Variants in ZBTB20 observed in about 807,000 individuals in gnomAD.
The protein encoded by ZBTB20 is zinc finger and BTB domain containing 20.
ZBTB20 carries 9 observed loss-of-function variants against 56.9 expected under a neutral mutation model. That is an observed-to-expected ratio of 0.16 (90% confidence interval 0.10 to 0.28). ZBTB20 has a LOEUF of 0.28. ZBTB20 is among the 10% of genes least tolerant of loss of function. The pLI is 1.00. For missense variants in ZBTB20, 655 were observed against 1,003.0 expected (o/e 0.65, Z 4.69); for synonymous variants, 417 against 420.7 (o/e 0.99, Z 0.11).
intron 3 of ZBTB20, among the ~76,000 whole-genome samples, chr3:114,922,689 C>T (rs552666617): frequency 6.6e-6 from 1 of 152,300 alleles, no homozygotes; most frequent in African/African-American, 2.4e-5. Flanking sequence ...GCTCAGGCTG[C>T]TTCCACTCAT....
Position 114,414,691 on chromosome 3 carries a change from C to T in ZBTB20, c.-254-25586G>A, listed in dbSNP as rs149279466. ...GAAAAGTTATTTTTATATGAAACAA[C>T]GAATACATAAAATACTATATATTTA... On this transcript the variant is annotated intron_variant, in intron 7 of 11. Transcript: ENST00000675478. 3.5e-3 allele frequency among the ~76,000 whole-genome samples: 504 copies of T among 145,428 alleles called. 2 individuals are homozygous for T. The highest frequency in any genetic ancestry group is 0.012 in the African/African-American group (482 of 39,910).
chr3:114,407,598 G>A (rs2087461457), intron 7 of ZBTB20, among the ~76,000 whole-genome samples: 1 of 152,136 alleles, frequency 6.6e-6, no homozygotes, highest in South Asian at 2.1e-4. Flanking sequence ...AGTGATGGAG[G>A]CAAAAATATA....
intron 3 of ZBTB20, among the ~76,000 whole-genome samples, chr3:114,901,591 A>G (rs1202898785): frequency 1.3e-5 from 2 of 152,176 alleles, no homozygotes; most frequent in African/African-American, 4.8e-5. Flanking sequence ...TGTAAAAAAG[A>G]TAATTTTTAT....
chr3:115,107,512 C>T (rs1049467972), intron 1 of ZBTB20, among the ~76,000 whole-genome samples: 4 of 152,038 alleles, frequency 2.6e-5, no homozygotes, highest in South Asian at 2.1e-4. Context: ...CAGATGCTGG[C>T]GAGGCTGCAA....
chr3:114,808,413 C>T (rs566675268), intron 4 of ZBTB20, among the ~76,000 whole-genome samples: 1 of 151,780 alleles, frequency 6.6e-6, no homozygotes, highest in African/African-American at 2.4e-5. Context: ...CACCACCAAC[C>T]CCATAGAAAT....
chr3:114,650,319 A>G (rs1459761852), intron 6 of ZBTB20, among the ~76,000 whole-genome samples: 2 of 151,964 alleles, frequency 1.3e-5, no homozygotes, highest in Non-Finnish European at 2.9e-5. Flanking sequence ...AATAATCTTT[A>G]GAGATCAACA....
At chr3:114,583,160 T>G (rs1199928746) in intron 6 of ZBTB20, among the ~76,000 whole-genome samples, 1 of 152,222 alleles carries the variant, frequency 6.6e-6, no homozygotes, top group African/African-American at 2.4e-5. Flanking sequence ...AAGTCAACCA[T>G]ATGAAAAGCA....
At chr3:114,603,197 A>C (rs2056889767) in intron 6 of ZBTB20, among the ~76,000 whole-genome samples, 1 of 152,046 alleles carries the variant, frequency 6.6e-6, no homozygotes. Context: ...TGAATAACTT[A>C]AAGGGGTGAA....
intron 10 of ZBTB20, among the ~76,000 whole-genome samples, chr3:114,373,500 C>T (rs1334116754): frequency 1.3e-5 from 2 of 152,178 alleles, no homozygotes; most frequent in Admixed American, 6.5e-5. Context: ...GGTTTTGCTT[C>T]TTTCTATTCC....
chr3:114,753,191 G>A (rs1356931087), intron 5 of ZBTB20, among the ~76,000 whole-genome samples: 1 of 149,358 alleles, frequency 6.7e-6, no homozygotes, highest in Non-Finnish European at 1.5e-5. Context: ...AACACAGGAG[G>A]CAATTTCTAA....
chr3:114,371,837 C>A (rs1195212541), intron 10 of ZBTB20, among the ~76,000 whole-genome samples: 2 of 151,862 alleles, frequency 1.3e-5, no homozygotes, highest in African/African-American at 2.4e-5. Context: ...AACCTTTAAT[C>A]TTGCACTGCT....
intron 6 of ZBTB20, among the ~76,000 whole-genome samples, chr3:114,551,567 T>A (rs781438343): frequency 8.5e-5 from 13 of 152,260 alleles, no homozygotes; most frequent in Non-Finnish European, 1.8e-4. Flanking sequence ...ATATTTGATA[T>A]ATGGAAATGA....
At chr3:114,340,076 G>C (rs2079644330) in intron 11 of ZBTB20, among the ~76,000 whole-genome samples, 1 of 151,900 alleles carries the variant, frequency 6.6e-6, no homozygotes, top group South Asian at 2.1e-4. Flanking sequence ...AGGGTTAATT[G>C]CCTGTTCTCT....
intron 5 of ZBTB20, among the ~76,000 whole-genome samples, chr3:114,780,120 G>A (rs918860970): frequency 2.0e-5 from 3 of 152,142 alleles, no homozygotes; most frequent in Admixed American, 2.0e-4. Flanking sequence ...CATGATATGT[G>A]TCTTGGTAAT....
At chr3:114,711,557 T>A (rs887096664) in intron 5 of ZBTB20, among the ~76,000 whole-genome samples, 2 of 152,044 alleles carry the variant, frequency 1.3e-5, no homozygotes, top group Non-Finnish European at 2.9e-5. Flanking sequence ...TTGGGAGGAG[T>A]AAGTCAAATT....
Position 114,348,635 on chromosome 3 carries a change from T to C in ZBTB20, c.1804+1639A>G, listed in dbSNP as rs3773669. 3.1e-4 allele frequency among the ~76,000 whole-genome samples: 47 copies of C among 152,370 alleles called. No homozygotes were observed. In the East Asian group the frequency reaches 9.0e-3, roughly 29 times the overall value. On this transcript the variant is annotated intron_variant, in intron 11 of 11. Coordinates refer to ENST00000675478, the MANE Select transcript of ZBTB20 (RefSeq NM_001348800.3). ...AGTACATACATTAATTTACATAATGTCCTGACTTACATTACCCTGCAAAGA... is the reference window on the plus strand; with the variant it reads ...AGTACATACATTAATTTACATAATGCCCTGACTTACATTACCCTGCAAAGA...
chr3:115,018,798 T>C (rs2108294183), intron 2 of ZBTB20, among the ~76,000 whole-genome samples: 1 of 151,588 alleles, frequency 6.6e-6, no homozygotes, highest in African/African-American at 2.4e-5. Context: ...ACCAGGGCAG[T>C]CTGCTTTAAT....
intron 6 of ZBTB20, among the ~76,000 whole-genome samples, chr3:114,574,972 C>T (rs2053851272): frequency 6.6e-6 from 1 of 151,996 alleles, no homozygotes; most frequent in Non-Finnish European, 1.5e-5. Context: ...CAGGGAGACA[C>T]AATGTGGAGT....
rs2088235929 is a variant in ZBTB20 at position 114,413,839 on chromosome 3, G to A, written c.-254-24734C>T. Among the ~76,000 whole-genome samples, 3 of 152,230 alleles carry A rather than the reference G, an allele frequency of 2.0e-5. No individual in the cohort carries two copies. The South Asian group carries it at 6.2e-4, about 32-fold the overall frequency. On this transcript the variant is annotated intron_variant, in intron 7 of 11. Transcript: ENST00000675478. ...TAAATTAACAAAGGTCACACAGCTGGTAAATGGCAGATTTGGGATTTGAAT... is the reference window on the plus strand; with the variant it reads ...TAAATTAACAAAGGTCACACAGCTGATAAATGGCAGATTTGGGATTTGAAT...
Sources: allele counts gnomAD v4.1 joint callset (sites outside exome capture counted in the v4.1 genomes callset), GRCh38; gene constraint gnomAD v4.1.1; transcripts MANE v1.5; gene names NCBI Gene and HGNC (gene_info 2026-07-23, HGNC 2026-07-21).